Variants in CTNNA2 observed in about 807,000 individuals in gnomAD.
CTNNA2 encodes catenin alpha 2.
A neutral mutation model predicts 101.0 loss-of-function variants in CTNNA2; 42 were observed. The observed-to-expected ratio is 0.42, with a 90% CI of 0.32 to 0.54. CTNNA2 has a LOEUF of 0.54. Ranked by LOEUF, CTNNA2 falls within the 20% of genes least tolerant of loss-of-function variation. The probability of loss-of-function intolerance (pLI) is 0.14; values close to 1 mark genes in which losing one functional copy is unlikely to be tolerated. For missense variants in CTNNA2, 871 were observed against 1,223.1 expected (o/e 0.71, Z 4.29); for synonymous variants, 450 against 456.4 (o/e 0.99, Z 0.18).
chr2:79,251,995 A>G (rs1466071955), intron 2 of CTNNA2, among the ~76,000 whole-genome samples: 1 of 152,202 alleles, frequency 6.6e-6, no homozygotes, highest in Admixed American at 6.5e-5. Context: ...CTCAGCTCTC[A>G]GTTGGTCAGC....
At chr2:79,782,690 C>T (rs970401624) in intron 3 of CTNNA2, among the ~76,000 whole-genome samples, 2 of 152,246 alleles carry the variant, frequency 1.3e-5, no homozygotes, top group African/African-American at 2.4e-5. Context: ...CTTAATTGTT[C>T]GGTCTCTACA....
At chr2:80,300,940 C>A (rs1169213230) in intron 7 of CTNNA2, among the ~76,000 whole-genome samples, 1 of 151,026 alleles carries the variant, frequency 6.6e-6, no homozygotes, top group African/African-American at 2.4e-5. Context: ...AATCATCACT[C>A]TCAACACAGA....
In CTNNA2 at chr2:79,623,448, T is replaced by C. The variant is rs542619092; in HGVS notation, c.-5-28104T>C. On this transcript the variant is annotated intron_variant, in intron 1 of 18. Transcript: ENST00000402739. ...TTTGTGATCTAGACTCTTGTAAGAG[T>C]CTCTCCCACCTCACTCCATCTATTT... Among the ~76,000 whole-genome samples the C allele has an allele frequency of 5.9e-5, 9 of 152,182 alleles. No homozygotes were observed. In the South Asian group the frequency reaches 1.7e-3, roughly 28 times the overall value.
intron 9 of CTNNA2, among the ~76,000 whole-genome samples, chr2:80,533,877 C>T (rs540906869): frequency 6.6e-6 from 1 of 152,114 alleles, no homozygotes. Context: ...ACATGATAAG[C>T]CTCTCCTATC....
chr2:80,019,019 C>T (rs1454613274), intron 7 of CTNNA2, among the ~76,000 whole-genome samples: 1 of 152,056 alleles, frequency 6.6e-6, no homozygotes, highest in Admixed American at 6.6e-5. Flanking sequence ...ATTATCTTGT[C>T]ATTATTTCCT....
intron 2 of CTNNA2, among the ~76,000 whole-genome samples, chr2:79,285,376 C>A (rs1675539820): frequency 6.7e-6 from 1 of 149,736 alleles, no homozygotes; most frequent in Admixed American, 6.6e-5. Flanking sequence ...TTCCTGCTTT[C>A]TCTTGTGGGC....
chr2:80,348,905 A>G (rs896574630), intron 7 of CTNNA2, among the ~76,000 whole-genome samples: 1 of 152,188 alleles, frequency 6.6e-6, no homozygotes, highest in Non-Finnish European at 1.5e-5. Context: ...TGCTCTAGTC[A>G]GATTGGAAGG....
chr2:79,833,709 C>G (rs1679096975), intron 3 of CTNNA2, among the ~76,000 whole-genome samples: 1 of 152,142 alleles, frequency 6.6e-6, no homozygotes, highest in Non-Finnish European at 1.5e-5. Context: ...ACAAGACAAA[C>G]AGATATTCTT....
intron 1 of CTNNA2, among the ~76,000 whole-genome samples, chr2:79,641,715 G>A (rs1432270462): frequency 6.6e-6 from 1 of 152,184 alleles, no homozygotes; most frequent in Non-Finnish European, 1.5e-5. Flanking sequence ...AGTAGACTGA[G>A]TCTGTATATG....
At chr2:80,048,850 G>A (rs1441351941) in intron 7 of CTNNA2, among the ~76,000 whole-genome samples, 1 of 152,168 alleles carries the variant, frequency 6.6e-6, no homozygotes, top group African/African-American at 2.4e-5. Flanking sequence ...AGACTTTCAG[G>A]AATGCAGGCA....
intron 4 of CTNNA2, among the ~76,000 whole-genome samples, chr2:79,434,380 A>C (rs1420250566): frequency 4.6e-5 from 7 of 152,172 alleles, no homozygotes. Flanking sequence ...AGAACATTCT[A>C]GACAGAAAAT....
At chr2:79,344,989 T>C (rs1319849943) in intron 3 of CTNNA2, among the ~76,000 whole-genome samples, 4 of 150,570 alleles carry the variant, frequency 2.7e-5, no homozygotes, top group Admixed American at 6.6e-5. Flanking sequence ...CCTTTGTACT[T>C]GTAGTATTTT....
intron 9 of CTNNA2, among the ~76,000 whole-genome samples, chr2:80,502,971 A>C (rs1687990205): frequency 6.6e-6 from 1 of 152,172 alleles, no homozygotes; most frequent in South Asian, 2.1e-4. Context: ...ATTTGAGACC[A>C]GTGTAAGCAA....
At chr2:79,345,863 T>TTA in intron 3 of CTNNA2, among the ~76,000 whole-genome samples, 1 of 150,960 alleles carries the variant, frequency 6.6e-6, no homozygotes, top group Non-Finnish European at 1.5e-5. Flanking sequence ...CGGTTGATTT[T>TTA]TTTTTTTTTT....
chr2:80,187,532 A>G (rs1234207705), intron 7 of CTNNA2, among the ~76,000 whole-genome samples: 2 of 152,242 alleles, frequency 1.3e-5, no homozygotes, highest in Non-Finnish European at 2.9e-5. Flanking sequence ...CCTTTTTTAC[A>G]GAAAACATGT....
chr2:79,341,214 G>C (rs1677129766), intron 3 of CTNNA2, among the ~76,000 whole-genome samples: 1 of 152,076 alleles, frequency 6.6e-6, no homozygotes, highest in Non-Finnish European at 1.5e-5. Flanking sequence ...AAGCAAGTGG[G>C]AATATAATAG....
At chr2:80,443,885 C>T (rs1412577074) in intron 9 of CTNNA2, among the ~76,000 whole-genome samples, 1 of 152,148 alleles carries the variant, frequency 6.6e-6, no homozygotes. Context: ...ATTTCCTGTG[C>T]CCTAGAGACC....
chr2:80,264,527 T>A (rs186143125), intron 7 of CTNNA2, among the ~76,000 whole-genome samples: 8 of 152,300 alleles, frequency 5.3e-5, no homozygotes, highest in African/African-American at 1.7e-4. Context: ...GAGGTAACTG[T>A]TTACAGACTG....
chr2:80,134,516 C>T (rs1573184040), intron 7 of CTNNA2, among the ~76,000 whole-genome samples: 1 of 152,136 alleles, frequency 6.6e-6, no homozygotes, highest in Non-Finnish European at 1.5e-5. Flanking sequence ...ATCCATGTGA[C>T]CCTGAGACCC....
Sources: gnomAD v4.1 joint callset for allele counts (sites outside exome capture counted in the v4.1 genomes callset) on GRCh38, gnomAD v4.1.1 for gene constraint, MANE v1.5 for transcripts, NCBI Gene and HGNC (gene_info 2026-07-23, HGNC 2026-07-21) for gene names.